CLU: variants seen among roughly 807,000 people sequenced by gnomAD.
The protein encoded by CLU is aging-associated protein 4.
CLU carries 25 observed loss-of-function variants against 46.4 expected under a neutral mutation model. The ratio of observed to expected loss-of-function variants is 0.54; its 90% CI spans 0.39 to 0.75. The LOEUF (loss-of-function observed/expected upper bound fraction) is 0.75, where lower values mean the gene tolerates loss of function less well. CLU is among the 30% of genes least tolerant of loss of function. The probability of loss-of-function intolerance (pLI) is 0.00; values close to 1 mark genes in which losing one functional copy is unlikely to be tolerated. For synonymous variants in CLU, 235 were observed against 235.1 expected, an observed-to-expected ratio of 1.00 and a Z score of 0.00; for missense variants, 504 against 592.1, an observed-to-expected ratio of 0.85 and a Z score of 1.54.
At chr8:27,610,986 C>CA (rs1800916549) in intron 1 of CLU, 3 of 359,836 alleles carry the variant, frequency 8.3e-6, no homozygotes, top group African/African-American at 6.4e-5. Context: ...TGAAAATACC[C>CA]CCCTTAGGTC....
In CLU at chr8:27,598,140, G is replaced by T; in HGVS notation, c.*101C>A. On this transcript the variant is annotated 3_prime_UTR_variant, in exon 9 of 9. Transcript: ENST00000316403. ...TTGGGGGCCTGGAGGCTGGGGCCTGGTTACTTGGTGACGTGCAGAGCTCTC... is the reference window on the plus strand; with the variant it reads ...TTGGGGGCCTGGAGGCTGGGGCCTGTTTACTTGGTGACGTGCAGAGCTCTC... The T allele has an allele frequency of 1.6e-6, 2 of 1,263,874 alleles. No individual in the cohort carries two copies. Among genetic ancestry groups the T allele is most frequent in the Non-Finnish European group, 2.3e-6 (2 of 871,336 alleles). 78.3% of individuals were successfully genotyped at this position (1,263,874 alleles called of 1,614,324 possible).
At position 27,597,755 on chromosome 8, in the gene CLU, G is replaced by A. The variant is rs1427361960; in HGVS notation, c.*486C>T. 2.2e-6 allele frequency: 1 copy of A among 455,224 alleles called. No individual in the cohort carries two copies. The highest frequency in any genetic ancestry group is 6.9e-5 in the East Asian group (1 of 14,446). 28.2% of individuals were successfully genotyped at this position (455,224 alleles called of 1,614,324 possible). ...CATTTGCAGCAATATATTTTAGTTG[G>A]CTTGTTGAAACACATCTCTCTTCCT... On this transcript the variant is annotated 3_prime_UTR_variant, in exon 9 of 9. Coordinates refer to ENST00000316403, the MANE Select transcript of CLU (RefSeq NM_001831.4).
At chr8:27,608,776 A>G in intron 3 of CLU, 162 bp downstream of exon 3, 1 of 776,688 alleles carries the variant, frequency 1.3e-6, no homozygotes, top group South Asian at 1.5e-5. Flanking sequence ...TCAGAAGCAA[A>G]TGAACCTTCC....
chr8:27,602,095 AAAT>A (rs1188907647), intron 6 of CLU, among the ~76,000 whole-genome samples: 1 of 152,122 alleles, frequency 6.6e-6, no homozygotes, highest in African/African-American at 2.4e-5. Flanking sequence ...TGTCTTAAAA[AAAT>A]AATAATAAAA....
chr8:27,608,151 G>A (rs571384022), intron 3 of CLU, among the ~76,000 whole-genome samples: 7 of 152,156 alleles, frequency 4.6e-5, no homozygotes, highest in Non-Finnish European at 8.8e-5. Flanking sequence ...AATCCCTGAA[G>A]TGGCTCCTAT....
Position 27,606,471 on chromosome 8 carries a change from T to A in CLU, c.300A>T (p.Gly100=). The change falls in exon 4 of 9, where the codon GGA becomes GGT. Residue 100 remains glycine, a synonymous_variant. Coordinates refer to ENST00000316403, the MANE Select transcript of CLU (RefSeq NM_001831.4). ...ESETKLKELP[G]VCNETMMALW... is the part of the protein sequence containing the mutation. ...GGGCCATCATGGTCTCATTGCACAC[T>A]CCTGGGAGCTCCTTCAGCTTTGTCT... is the stretch of plus-strand genomic sequence containing the variant. 2 of 1,614,194 alleles carry A rather than the reference T, an allele frequency of 1.2e-6. No homozygotes were observed. Among genetic ancestry groups the A allele is most frequent in the Non-Finnish European group, 1.7e-6 (2 of 1,180,032 alleles).
intron 3 of CLU, among the ~76,000 whole-genome samples, chr8:27,608,201 CA>C (rs1028212973): frequency 2.5e-3 from 387 of 152,080 alleles, no homozygotes; most frequent in African/African-American, 8.9e-3. Context: ...AAAACAAAAA[CA>C]AAAATGAATT....
In CLU at chr8:27,605,085, G is replaced by A; in HGVS notation, c.668C>T (p.Ser223Phe). The change falls in exon 5 of 9, where the codon TCC (serine) becomes TTC (phenylalanine). Residue 223 changes from serine (S) to phenylalanine (F), a missense_variant. Ser to Phe is a radical substitution (Grantham distance 155, BLOSUM62 -2). This residue lies in a region of CLU where 428 missense variants were observed against 484.0 expected (regional missense o/e 0.88). Transcript: ENST00000316403. ...HRRPHFFFPKSRIVRSLMPFS... is the reference protein window; with the variant it reads ...HRRPHFFFPKFRIVRSLMPFS... ...GGGCATCAAGCTGCGGACGATGCGG[G>A]ACTTGGGAAAGAAGAAGTGAGGCCT... 1.9e-6 allele frequency: 3 copies of A among 1,614,158 alleles called. No homozygotes were observed. Among genetic ancestry groups the A allele is most frequent in the East Asian group, 2.2e-5 (1 of 44,878 alleles).
chr8:27,610,885 C>A lies in CLU; in HGVS notation c.-29-285G>T, dbSNP rs1800914776. On this transcript the variant is annotated intron_variant, in intron 1 of 8. Transcript: ENST00000316403. ...GCATCGGAGGAACCAGGCTCTTGTC[C>A]AAGCCACATCCTCCCCGACAATCAG... The A allele has an allele frequency of 7.2e-6, 3 of 419,206 alleles. No individual in the cohort carries two copies. The Admixed American group carries it at 1.1e-4, about 15-fold the overall frequency. The allele number at this position is 419,206 out of a possible 1,614,324, so 26.0% of individuals were successfully genotyped here.
Position 27,597,925 on chromosome 8 carries a change from T to C in CLU, c.*316A>G, listed in dbSNP as rs3087554. On this transcript the variant is annotated 3_prime_UTR_variant, in exon 9 of 9. Coordinates refer to ENST00000316403, the MANE Select transcript of CLU (RefSeq NM_001831.4). ...CTACTTATTTTCCATCCCCCCTGCC[T>C]GCCCCCCATAGCAAAATGAAGGCAT... 123,072 of 594,824 alleles carry C rather than the reference T, an allele frequency of 0.21. 13,937 individuals carry two copies. The highest frequency in any genetic ancestry group is 0.31 in the Admixed American group (14,393 of 46,648). The allele number at this position is 594,824 out of a possible 1,614,324, so 36.8% of individuals were successfully genotyped here. A position where few individuals can be genotyped will look rare whatever the true frequency, so the allele number is the denominator to read the frequency against.
intron 1 of CLU, 36 bp downstream of exon 1, chr8:27,614,619 C>T (rs1450568355): frequency 3.9e-6 from 2 of 511,910 alleles, no homozygotes; most frequent in East Asian, 5.8e-5. Flanking sequence ...CCTGGTGTGG[C>T]TCTGCTCAAG....
chr8:27,604,834 A>G, intron 5 of CLU, 90 bp downstream of exon 5: 1 of 1,447,040 alleles, frequency 6.9e-7, no homozygotes, highest in Non-Finnish European at 9.7e-7. Flanking sequence ...TTGCTGGAGA[A>G]AAATCGAGAT....
chr8:27,604,109 AAGAT>A, intron 6 of CLU, 178 bp downstream of exon 6: 1 of 626,550 alleles, frequency 1.6e-6, no homozygotes, highest in Non-Finnish European at 2.9e-6. Flanking sequence ...ATCTCATTCT[AAGAT>A]GAGGAACCGA....
At position 27,602,705 on chromosome 8, in the gene CLU, G is replaced by T. The variant is rs117858888; in HGVS notation, c.934+1586C>A. 1.5e-3 allele frequency among the ~76,000 whole-genome samples: 224 copies of T among 152,120 alleles called. 6 individuals carry two copies. In the East Asian group the frequency reaches 0.038, roughly 26 times the overall value. On this transcript the variant is annotated intron_variant, in intron 6 of 8. Coordinates refer to ENST00000316403, the MANE Select transcript of CLU (RefSeq NM_001831.4). The stretch of plus-strand genomic sequence containing the variant: ...TTGCAAGCACCTTAAATAACAGTAG[G>T]CAGTCCTCTTCAGTGTAGACTATTT...
At chr8:27,598,390 G>C (rs1051222046) in intron 8 of CLU, 70 bp downstream of exon 8, 2 of 1,606,264 alleles carry the variant, frequency 1.2e-6, no homozygotes, top group Admixed American at 3.3e-5. Flanking sequence ...TCTGCACTTT[G>C]TTTGTTTTTT....
chr8:27,597,823 TCCCTTTTATTCTTCA>T lies in CLU; in HGVS notation c.*403_*417del, dbSNP rs779751214. ...GAAGTGGATCAACCTTGTCATCATA[TCCCTTTTATTCTTCA>T]CCCTTTTATTCTTCACTGGTATGAC... On this transcript the variant is annotated 3_prime_UTR_variant, in exon 9 of 9. Coordinates refer to ENST00000316403, the MANE Select transcript of CLU (RefSeq NM_001831.4). 8.6e-6 allele frequency: 4 copies of T among 465,694 alleles called. No individual in the cohort carries two copies. Among genetic ancestry groups the T allele is most frequent in the South Asian group, 4.6e-5 (3 of 64,578 alleles). The allele number at this position is 465,694 out of a possible 1,614,324, so 28.8% of individuals were successfully genotyped here.
chr8:27,608,421 C>T (rs942402331), intron 3 of CLU: 1 of 173,376 alleles, frequency 5.8e-6, no homozygotes, highest in African/African-American at 2.4e-5. Flanking sequence ...ATAAGTTGTT[C>T]ATTGAATTAT....
intron 1 of CLU, among the ~76,000 whole-genome samples, chr8:27,612,445 A>C (rs1400045260): frequency 6.6e-6 from 1 of 152,136 alleles, no homozygotes; most frequent in Non-Finnish European, 1.5e-5. Context: ...AATTAGACTG[A>C]GGTCTGAGGC....
intron 1 of CLU, chr8:27,611,567 A>G (rs775348221): frequency 4.5e-6 from 2 of 445,634 alleles, no homozygotes; most frequent in African/African-American, 2.1e-5. Flanking sequence ...CACCCCCACC[A>G]TGCCCCTCCC....
Sources: allele counts gnomAD v4.1 joint callset (sites outside exome capture counted in the v4.1 genomes callset), GRCh38; gene constraint gnomAD v4.1.1; regional missense constraint gnomAD v4.1.1; transcripts MANE v1.5; gene names NCBI Gene and HGNC (gene_info 2026-07-23, HGNC 2026-07-21).